SEPTIN9: variants seen among roughly 807,000 people sequenced by gnomAD.
The protein encoded by SEPTIN9 is septin-9.
Under a neutral mutation model 56.6 loss-of-function variants are expected in SEPTIN9, and 13 were observed. That is an observed-to-expected ratio of 0.23 (90% CI 0.15 to 0.37). The LOEUF (loss-of-function observed/expected upper bound fraction) is 0.37. Ranked by LOEUF, SEPTIN9 falls within the 10% of genes least tolerant of loss-of-function variation. SEPTIN9 has a pLI of 1.00. For missense variants in SEPTIN9, 650 were observed against 823.1 expected, an observed-to-expected ratio of 0.79 and a Z score of 2.57; for synonymous variants, 332 against 334.1, an observed-to-expected ratio of 0.99 and a Z score of 0.07.
intron 2 of SEPTIN9, among the ~76,000 whole-genome samples, chr17:77,388,552 G>A (rs571680940): frequency 1.3e-5 from 2 of 152,286 alleles, no homozygotes; most frequent in Non-Finnish European, 2.9e-5. Context: ...AGCTTGGCGC[G>A]CTTTGGATCA....
intron 2 of SEPTIN9, among the ~76,000 whole-genome samples, chr17:77,355,044 A>G (rs192222007): frequency 6.6e-6 from 1 of 152,246 alleles, no homozygotes; most frequent in East Asian, 1.9e-4. Flanking sequence ...GGGCCAGGAA[A>G]GGATTAGAAT....
chr17:77,331,508 C>G (rs2033356298), intron 2 of SEPTIN9, among the ~76,000 whole-genome samples: 1 of 152,124 alleles, frequency 6.6e-6, no homozygotes, highest in Non-Finnish European at 1.5e-5. Flanking sequence ...AGAGAGGGGA[C>G]CCGCCCAGCC....
chr17:77,346,742 T>A (rs2033905387), intron 2 of SEPTIN9, among the ~76,000 whole-genome samples: 1 of 152,192 alleles, frequency 6.6e-6, no homozygotes, highest in African/African-American at 2.4e-5. Context: ...TTCTCAGATG[T>A]TGAGAGAATG....
Position 77,460,301 on chromosome 17 carries a change from G to A in SEPTIN9, c.722-21843G>A, listed in dbSNP as rs535127626. ...CGAGGGGCCCTGGTGTTTGTGGAGT[G>A]GGAGTGCGGGAAGGCCCCTACGTTG... On this transcript the variant is annotated intron_variant, in intron 3 of 11. Coordinates refer to ENST00000427177, the MANE Select transcript of SEPTIN9 (RefSeq NM_001113491.2). Among the ~76,000 whole-genome samples the A allele has an allele frequency of 5.9e-5, 9 of 152,270 alleles. No individual in the cohort carries two copies. The South Asian group carries it at 1.0e-3, about 18-fold the overall frequency.
intron 2 of SEPTIN9, among the ~76,000 whole-genome samples, chr17:77,355,068 C>T (rs2034186372): frequency 6.6e-6 from 1 of 152,160 alleles, no homozygotes; most frequent in Non-Finnish European, 1.5e-5. Flanking sequence ...TTTCTACGTG[C>T]CGATTATTTG....
In SEPTIN9 at chr17:77,319,035, G is replaced by A. The variant is rs556670694; in HGVS notation, c.76+11838G>A. On this transcript the variant is annotated intron_variant, in intron 2 of 11. Transcript: ENST00000427177. This position sits in a 1 kb window ranked among gnomAD's most constrained non-coding sequence, Gnocchi z 5.3. ...GAAGGCTTCCGTGGTGCGGCCACGC[G>A]TCCTCCCTTTCTCAACAGAAGCTGA... is the stretch of plus-strand genomic sequence containing the variant. Among the ~76,000 whole-genome samples the A allele has an allele frequency of 9.2e-5, 14 of 152,302 alleles. No homozygotes were observed. Among genetic ancestry groups the A allele is most frequent in the African/African-American group, 2.9e-4 (12 of 41,552 alleles).
intron 7 of SEPTIN9, among the ~76,000 whole-genome samples, chr17:77,489,807 CA>C (rs2039948489): frequency 6.6e-6 from 1 of 152,210 alleles, no homozygotes; most frequent in Admixed American, 6.5e-5. Context: ...GAGTCAGGGG[CA>C]GGGGGCCAGC....
chr17:77,388,830 T>TTG, intron 2 of SEPTIN9, among the ~76,000 whole-genome samples: 1 of 149,124 alleles, frequency 6.7e-6, no homozygotes, highest in Non-Finnish European at 1.5e-5. Context: ...TTTTTTTTTT[T>TTG]TTTTGCATTT....
intron 2 of SEPTIN9, among the ~76,000 whole-genome samples, chr17:77,346,889 G>A (rs747931671): frequency 6.6e-6 from 1 of 152,144 alleles, no homozygotes; most frequent in Non-Finnish European, 1.5e-5. Flanking sequence ...AATGGGATTA[G>A]TCCCTTCTGC....
At chr17:77,461,934 C>A (rs2038494538) in intron 3 of SEPTIN9, among the ~76,000 whole-genome samples, 1 of 152,144 alleles carries the variant, frequency 6.6e-6, no homozygotes, top group African/African-American at 2.4e-5. Context: ...CAGTTTGAGT[C>A]TGAAGCAGGA....
intron 3 of SEPTIN9, among the ~76,000 whole-genome samples, chr17:77,428,141 G>A (rs766705922): frequency 6.6e-6 from 1 of 152,224 alleles, no homozygotes; most frequent in African/African-American, 2.4e-5. Flanking sequence ...CAGCAGGTAT[G>A]GGGCATTGCC....
intron 3 of SEPTIN9, among the ~76,000 whole-genome samples, chr17:77,465,583 A>C (rs570565417): frequency 5.5e-4 from 84 of 151,786 alleles, no homozygotes; most frequent in African/African-American, 1.9e-3. Context: ...TCGCTCCATG[A>C]ACTAGGATGA....
intron 3 of SEPTIN9, chr17:77,442,010 C>G (rs1170574730): frequency 1.3e-5 from 2 of 152,126 alleles, no homozygotes; most frequent in African/African-American, 2.4e-5. Flanking sequence ...TAAACTCACT[C>G]AAGATAAATT....
Position 77,329,352 on chromosome 17 carries a change from G to A in SEPTIN9, c.76+22155G>A, listed in dbSNP as rs2143699124. Among the ~76,000 whole-genome samples, 1 of 152,294 alleles carries A rather than the reference G, an allele frequency of 6.6e-6. No individual in the cohort carries two copies. Among genetic ancestry groups the A allele is most frequent in the East Asian group, 1.9e-4 (1 of 5,178 alleles). ...CTGCCCCCGTCAGCATCCAGCAGAG[G>A]CCACTGGATGCTGACAGGTGGCCGG... On this transcript the variant is annotated intron_variant, in intron 2 of 11. Coordinates refer to ENST00000427177, the MANE Select transcript of SEPTIN9 (RefSeq NM_001113491.2). This position sits in a 1 kb window ranked among gnomAD's most constrained non-coding sequence, Gnocchi z 4.3.
intron 2 of SEPTIN9, among the ~76,000 whole-genome samples, chr17:77,343,725 T>A (rs916415394): frequency 6.6e-6 from 1 of 152,166 alleles, no homozygotes; most frequent in Non-Finnish European, 1.5e-5. Flanking sequence ...GTGTCAGAAT[T>A]GAACTGAATT....
chr17:77,451,264 C>A lies in SEPTIN9; in HGVS notation c.722-30880C>A. 6.2e-6 allele frequency: 4 copies of A among 649,886 alleles called. No homozygotes were observed. Among genetic ancestry groups the A allele is most frequent in the Non-Finnish European group, 7.6e-6 (4 of 523,010 alleles). 40.3% of individuals were successfully genotyped at this position (649,886 alleles called of 1,614,324 possible). On this transcript the variant is annotated intron_variant, in intron 3 of 11. Coordinates refer to ENST00000427177, the MANE Select transcript of SEPTIN9 (RefSeq NM_001113491.2). The surrounding 1 kb of genome is among the most constrained non-coding windows in gnomAD (Gnocchi z 4.2). ...CTCCCGTGCCTTCAGGTTGCTTCTG[C>A]GCCGGGCCTGCCGCTGGGCGCCCCT...
intron 2 of SEPTIN9, among the ~76,000 whole-genome samples, chr17:77,335,590 G>A (rs1432528768): frequency 6.7e-6 from 1 of 149,836 alleles, no homozygotes; most frequent in African/African-American, 2.5e-5. Flanking sequence ...ATTAGTATAT[G>A]TACATATATA....
At chr17:77,360,491 C>T (rs28704969) in intron 2 of SEPTIN9, among the ~76,000 whole-genome samples, 34,837 of 152,066 alleles carry the variant, frequency 0.23, 4,448 homozygotes, top group East Asian at 0.61. Flanking sequence ...CAGGAATTGG[C>T]AAACACTACA....
At position 77,451,438 on chromosome 17, in the gene SEPTIN9, T is replaced by G; in HGVS notation, c.722-30706T>G. 1 of 985,666 alleles carries G rather than the reference T, an allele frequency of 1.0e-6. No homozygotes were observed. The highest frequency in any genetic ancestry group is 1.2e-6 in the Non-Finnish European group (1 of 830,090). 61.1% of individuals were successfully genotyped at this position (985,666 alleles called of 1,614,324 possible). On this transcript the variant is annotated intron_variant, in intron 3 of 11. Coordinates refer to ENST00000427177, the MANE Select transcript of SEPTIN9 (RefSeq NM_001113491.2). The surrounding 1 kb of genome is among the most constrained non-coding windows in gnomAD (Gnocchi z 4.2). Reference sequence around the variant, plus strand: ...CTTGTTCCGCGACCACAAAGCCCCTTTGATCCTCTGCTCGGCTCTGAGCCA... The same window carrying G: ...CTTGTTCCGCGACCACAAAGCCCCTGTGATCCTCTGCTCGGCTCTGAGCCA...
Sources: gnomAD v4.1 joint callset for allele counts (sites outside exome capture counted in the v4.1 genomes callset) on GRCh38, gnomAD v4.1.1 for gene constraint, Gnocchi (gnomAD v3.1) non-coding constraint, MANE v1.5 for transcripts, NCBI Gene and HGNC (gene_info 2026-07-23, HGNC 2026-07-21) for gene names.